Variants in PPP1R26 observed in about 807,000 individuals in gnomAD.
PPP1R26 encodes 1A6/DRIM (down-regulated in metastasis) interacting protein.
In PPP1R26, 22 loss-of-function variants were observed where a neutral mutation model predicts 67.6. The ratio of observed to expected loss-of-function variants is 0.33; its 90% confidence interval spans 0.23 to 0.46. PPP1R26 has a LOEUF of 0.46. Ranked by LOEUF, PPP1R26 falls within the 20% of genes least tolerant of loss-of-function variation. The pLI is 1.00. For missense variants in PPP1R26, 1,602 were observed against 1,651.4 expected (o/e 0.97, Z 0.52); for synonymous variants, 729 against 717.2 (o/e 1.02, Z -0.26).
Position 135,483,953 on chromosome 9 carries a change from C to T in PPP1R26, c.-192C>T. ...ATCATACAACTTTCCGTTCCAGGAGCTTGTCGGTTGGGTCAAGAATGAACC... is the reference window on the plus strand; with the variant it reads ...ATCATACAACTTTCCGTTCCAGGAGTTTGTCGGTTGGGTCAAGAATGAACC... On this transcript the variant is annotated 5_prime_UTR_variant, in exon 3 of 4. Transcript: ENST00000356818. 2.5e-6 allele frequency: 1 copy of T among 399,040 alleles called. No homozygotes were observed. Among genetic ancestry groups the T allele is most frequent in the Non-Finnish European group, 4.4e-6 (1 of 226,366 alleles). 24.7% of individuals were successfully genotyped at this position (399,040 alleles called of 1,614,324 possible). A position where few individuals can be genotyped will look rare whatever the true frequency, so the allele number is the denominator to read the frequency against.
In PPP1R26 at chr9:135,487,317, C is replaced by G; in HGVS notation, c.2807C>G (p.Pro936Arg). ...CCTGCTGCTCCTGCCCGAGGGGATC[C>G]GGTGCCGCCCAGGAGCACCAGCGGC... is the stretch of plus-strand genomic sequence containing the variant. The part of the protein sequence containing the change: ...GLPAAPARGD[P>R]VPPRSTSGGV... Residue 936 changes from proline to arginine, a missense_variant, in exon 4 of 4, where the codon CCG (proline) becomes CGG (arginine). Transcript: ENST00000356818. 6.4e-7 allele frequency: 1 copy of G among 1,555,456 alleles called. No individual in the cohort carries two copies. Among genetic ancestry groups the G allele is most frequent in the Non-Finnish European group, 8.7e-7 (1 of 1,152,644 alleles).
In PPP1R26 at chr9:135,485,247, A is replaced by C; in HGVS notation, c.737A>C (p.Asp246Ala). Residue 246 changes from aspartate (D) to alanine (A), a missense_variant, in exon 4 of 4, where the codon GAT (aspartate) becomes GCT (alanine). Physicochemically the swap from Asp to Ala is moderately radical, Grantham distance 126. This residue lies in a region of PPP1R26 where 680 missense variants were observed against 726.1 expected (regional missense o/e 0.94). Transcript: ENST00000356818. The surrounding 1 kb of genome is among the most constrained non-coding windows in gnomAD (Gnocchi z 7.2). ...EKRQHETQKC[D>A]GSVEKKPDTN... ...AGACAGCATGAGACCCAAAAATGTG[A>C]TGGGTCAGTGGAGAAGAAACCAGAC... The C allele has an allele frequency of 6.2e-7, 1 of 1,612,940 alleles. No individual in the cohort carries two copies. Among genetic ancestry groups the C allele is most frequent in the Admixed American group, 1.7e-5 (1 of 60,006 alleles).
At position 135,486,969 on chromosome 9, in the gene PPP1R26, G is replaced by C. The variant is rs772046530; in HGVS notation, c.2459G>C (p.Ser820Thr). Residue 820 changes from serine to threonine, a missense_variant, in exon 4 of 4, where the codon AGC becomes ACC. This residue lies in a region of PPP1R26 where 740 missense variants were observed against 696.3 expected (regional missense o/e 1.06). Transcript: ENST00000356818. The surrounding 1 kb of genome is among the most constrained non-coding windows in gnomAD (Gnocchi z 6.2). ...AGGGAGTCCCAGGGCCCAGCTCCCA[G>C]CCCCGGCTCCCTGTCTGATGACAGC... ...FPRESQGPAPSPGSLSDDSSS... is the reference protein window; with the variant it reads ...FPRESQGPAPTPGSLSDDSSS... The C allele has an allele frequency of 1.9e-6, 3 of 1,612,922 alleles. No individual in the cohort carries two copies. Among genetic ancestry groups the C allele is most frequent in the Non-Finnish European group, 1.7e-6 (2 of 1,180,016 alleles).
At chr9:135,479,696 C>G (rs1352664378), upstream of PPP1R26, 1 of 145,434 alleles carries the variant, frequency 6.9e-6, no homozygotes, top group Non-Finnish European at 1.5e-5. This position sits in a 1 kb window ranked among gnomAD's most constrained non-coding sequence, Gnocchi z 5.9. Context: ...GCACGGCTTC[C>G]GGAGTGCGGC....
In PPP1R26 at chr9:135,485,977, C is replaced by T. The variant is rs757860080; in HGVS notation, c.1467C>T (p.Asp489=). Residue 489 remains aspartate, a synonymous_variant, in exon 4 of 4, where the codon GAC becomes GAT. Coordinates refer to ENST00000356818, the MANE Select transcript of PPP1R26 (RefSeq NM_014811.5). This position sits in a 1 kb window ranked among gnomAD's most constrained non-coding sequence, Gnocchi z 7.2. The stretch of plus-strand genomic sequence containing the variant: ...TGATGTGTGCAGAAGCAATCCTGGA[C>T]ATCTCCAAGACGATCCTGCCGGCCC... ...AELMCAEAIL[D]ISKTILPAPV... is the part of the protein sequence containing the mutation. 2 of 1,613,258 alleles carry T rather than the reference C, an allele frequency of 1.2e-6. No homozygotes were observed. Among genetic ancestry groups the T allele is most frequent in the African/African-American group, 1.3e-5 (1 of 75,064 alleles).
In PPP1R26 at chr9:135,485,536, C is replaced by T. The variant is rs1830689317; in HGVS notation, c.1026C>T (p.Ser342=). ...QNKGGIKRSA[S]AARRGKRVMS... is the part of the protein sequence containing the mutation. ...AAGGTGGGATCAAAAGGAGCGCCAGCGCTGCAAGGAGGGGAAAGCGAGTCA... is the reference window on the plus strand; with the variant it reads ...AAGGTGGGATCAAAAGGAGCGCCAGTGCTGCAAGGAGGGGAAAGCGAGTCA... The change falls in exon 4 of 4, where the codon AGC becomes AGT. Residue 342 remains serine (S), a synonymous_variant. Transcript: ENST00000356818. The surrounding 1 kb of genome is among the most constrained non-coding windows in gnomAD (Gnocchi z 7.2). 7 of 1,613,212 alleles carry T rather than the reference C, an allele frequency of 4.3e-6. No homozygotes were observed. Among genetic ancestry groups the T allele is most frequent in the Non-Finnish European group, 5.9e-6 (7 of 1,180,026 alleles).
rs1342168538 is a variant in PPP1R26 at position 135,487,456 on chromosome 9, C to A, written c.2946C>A (p.Ser982Arg). ...AAAGTGCTTTTGGTCAGCTGCCCAG[C>A]TGTGCCACAGCGGGCACCGAGGCAG... is the stretch of plus-strand genomic sequence containing the variant. ...AAKSAFGQLP[S>R]CATAGTEAGG... The change falls in exon 4 of 4, where the codon AGC becomes AGA. Residue 982 changes from serine (S) to arginine (R), a missense_variant. Coordinates refer to ENST00000356818, the MANE Select transcript of PPP1R26 (RefSeq NM_014811.5). 6.2e-7 allele frequency: 1 copy of A among 1,610,518 alleles called. No individual in the cohort carries two copies. The highest frequency in any genetic ancestry group is 2.2e-5 in the East Asian group (1 of 44,854).
intron 3 of PPP1R26, 37 bp from the exon 4 acceptor site, chr9:135,484,412 T>C: frequency 8.6e-7 from 1 of 1,160,066 alleles, no homozygotes; most frequent in Non-Finnish European, 1.2e-6. Context: ...TCGCTGTTTG[T>C]AGCTGCATCA....
In PPP1R26 at chr9:135,486,915, C is replaced by A; in HGVS notation, c.2405C>A (p.Ala802Asp). 6 of 1,612,936 alleles carry A rather than the reference C, an allele frequency of 3.7e-6. No homozygotes were observed. Among genetic ancestry groups the A allele is most frequent in the Non-Finnish European group, 5.1e-6 (6 of 1,179,978 alleles). Reference sequence around the variant, plus strand: ...TTCCGGGTGAGGAGACCCGCCTCCGCCTCTGCCTCCGAAGGGAATCCATTC... The same window carrying A: ...TTCCGGGTGAGGAGACCCGCCTCCGACTCTGCCTCCGAAGGGAATCCATTC... The part of the protein sequence containing the change: ...LAFRVRRPAS[A>D]SASEGNPFPR... The change falls in exon 4 of 4, where the codon GCC becomes GAC. Residue 802 changes from alanine (A) to aspartate (D), a missense_variant. This residue lies in a region of PPP1R26 where 740 missense variants were observed against 696.3 expected (regional missense o/e 1.06). Transcript: ENST00000356818. This position sits in a 1 kb window ranked among gnomAD's most constrained non-coding sequence, Gnocchi z 6.2.
rs758151978 is a variant in PPP1R26 at position 135,484,479 on chromosome 9, G to A, written c.-32G>A. The A allele has an allele frequency of 8.7e-6, 13 of 1,498,584 alleles. No homozygotes were observed. The highest frequency in any genetic ancestry group is 2.3e-5 in the East Asian group (1 of 44,016). The allele number at this position is 1,498,584 out of a possible 1,614,324, so 92.8% of individuals were successfully genotyped here. ...GAAGCCGGTAGAGAAATAAAGCATC[G>A]CCCCTCTGCGCGCCCCTCCCCGTCT... On this transcript the variant is annotated 5_prime_UTR_variant, in exon 4 of 4. Coordinates refer to ENST00000356818, the MANE Select transcript of PPP1R26 (RefSeq NM_014811.5).
Position 135,487,725 on chromosome 9 carries a change from G to C in PPP1R26, c.3215G>C (p.Ser1072Thr). The C allele has an allele frequency of 2.1e-6, 3 of 1,454,754 alleles. No homozygotes were observed. Among genetic ancestry groups the C allele is most frequent in the Non-Finnish European group, 2.7e-6 (3 of 1,103,734 alleles). 90.1% of individuals were successfully genotyped at this position (1,454,754 alleles called of 1,614,324 possible). Residue 1072 changes from serine (S) to threonine (T), a missense_variant, in exon 4 of 4, where the codon AGC becomes ACC. This residue lies in a region of PPP1R26 where 740 missense variants were observed against 696.3 expected (regional missense o/e 1.06). Coordinates refer to ENST00000356818, the MANE Select transcript of PPP1R26 (RefSeq NM_014811.5). ...GSEGPARGLP[S>T]LPLAGFSPLL... is the part of the protein sequence containing the mutation. ...GAGGGCCCCGCCCGGGGCCTGCCCA[G>C]CCTGCCCCTTGCGGGCTTCTCGCCG...
At position 135,485,537 on chromosome 9, in the gene PPP1R26, G is replaced by A. The variant is rs199863193; in HGVS notation, c.1027G>A (p.Ala343Thr). 3.4e-5 allele frequency: 55 copies of A among 1,613,122 alleles called. No individual in the cohort carries two copies. The highest frequency in any genetic ancestry group is 4.5e-5 in the Non-Finnish European group (53 of 1,180,034). ...NKGGIKRSAS[A>T]ARRGKRVMSA... ...AGGTGGGATCAAAAGGAGCGCCAGC[G>A]CTGCAAGGAGGGGAAAGCGAGTCAT... The change falls in exon 4 of 4, where the codon GCT (alanine) becomes ACT (threonine). Residue 343 changes from alanine to threonine, a missense_variant. Around this residue, in one of 5 missense-constraint regions of PPP1R26, gnomAD observed 680 missense variants for 726.1 expected, o/e 0.94. Coordinates refer to ENST00000356818, the MANE Select transcript of PPP1R26 (RefSeq NM_014811.5). This position sits in a 1 kb window ranked among gnomAD's most constrained non-coding sequence, Gnocchi z 7.2.
rs1830816672 is a variant in PPP1R26 at position 135,487,848 on chromosome 9, G to C, written c.3338G>C (p.Gly1113Ala). 1 of 1,594,754 alleles carries C rather than the reference G, an allele frequency of 6.3e-7. No individual in the cohort carries two copies. The highest frequency in any genetic ancestry group is 1.3e-5 in the African/African-American group (1 of 74,184). The change falls in exon 4 of 4, where the codon GGC becomes GCC. Residue 1113 changes from glycine (G) to alanine (A), a missense_variant. Coordinates refer to ENST00000356818, the MANE Select transcript of PPP1R26 (RefSeq NM_014811.5). Reference sequence around the variant, plus strand: ...CCCCACCTGGGGCTGCCTCTGCAGGGCCCCTCCTTCTCGGCCTTCAGGGAG... The same window carrying C: ...CCCCACCTGGGGCTGCCTCTGCAGGCCCCCTCCTTCTCGGCCTTCAGGGAG... ...FSPHLGLPLQ[G>A]PSFSAFREAQ...
chr9:135,484,527 C>CT lies in PPP1R26; in HGVS notation c.19dup (p.Ser7PhefsTer20). On this transcript the variant is annotated frameshift_variant, in exon 4 of 4. Transcript: ENST00000356818. LOFTEE classifies it high-confidence loss of function. ...TCTGCTAGAATGTTTCTCATGAACG[C>CT]TTCTCCAGTGGTTGCTCTCCAGTCC... is the stretch of plus-strand genomic sequence containing the variant. 6.2e-7 allele frequency: 1 copy of CT among 1,602,830 alleles called. No individual in the cohort carries two copies. The highest frequency in any genetic ancestry group is 8.5e-7 in the Non-Finnish European group (1 of 1,177,370).
rs1830655265 is a variant in PPP1R26, at chr9:135,484,936, G to A, written c.426G>A (p.Lys142=). The A allele has an allele frequency of 6.3e-7, 1 of 1,582,138 alleles. No homozygotes were observed. ...AGGAGGCCATCCAGGAGTACCTGAA[G>A]GCAAAGAGTGGAGCCGCACAGCCCG... ...DIEEAIQEYL[K]AKSGAAQPGA... The change falls in exon 4 of 4, where the codon AAG becomes AAA. Residue 142 remains lysine (K), a synonymous_variant. Transcript: ENST00000356818.
Position 135,485,581 on chromosome 9 carries a change from C to T in PPP1R26, c.1071C>T (p.Ser357=), listed in dbSNP as rs1370419030. 12 of 1,613,018 alleles carry T rather than the reference C, an allele frequency of 7.4e-6. No homozygotes were observed. Among genetic ancestry groups the T allele is most frequent in the East Asian group, 4.5e-5 (2 of 44,874 alleles). Residue 357 remains serine (S), a synonymous_variant, in exon 4 of 4, where the codon TCC becomes TCT. Transcript: ENST00000356818. This position sits in a 1 kb window ranked among gnomAD's most constrained non-coding sequence, Gnocchi z 7.2. ...GAGTCATGAGTGCGGCACAGGCGTC[C>T]GAGGCGTCCGACTCCAGCAGCGACG... is the stretch of plus-strand genomic sequence containing the variant. ...GKRVMSAAQA[S]EASDSSSDDG... is the part of the protein sequence containing the mutation.
At position 135,484,546 on chromosome 9, in the gene PPP1R26, C is replaced by T. The variant is rs1830634332; in HGVS notation, c.36C>T (p.Leu12=). The change falls in exon 4 of 4, where the codon CTC becomes CTT. Residue 12 remains leucine (L), a synonymous_variant. Transcript: ENST00000356818. ...TGAACGCTTCTCCAGTGGTTGCTCT[C>T]CAGTCCAAATGGGAGGCCTTTGGCC... is the stretch of plus-strand genomic sequence containing the variant. ...FLMNASPVVA[L]QSKWEAFGPP... The T allele has an allele frequency of 1.9e-6, 3 of 1,609,266 alleles. No individual in the cohort carries two copies. The Admixed American group carries it at 5.1e-5, about 27-fold the overall frequency.
rs1264962066 is a variant in PPP1R26 at position 135,484,550 on chromosome 9, T to A, written c.40T>A (p.Ser14Thr). 1 of 1,610,516 alleles carries A rather than the reference T, an allele frequency of 6.2e-7. No homozygotes were observed. Among genetic ancestry groups the A allele is most frequent in the Non-Finnish European group, 8.5e-7 (1 of 1,179,590 alleles). ...CGCTTCTCCAGTGGTTGCTCTCCAG[T>A]CCAAATGGGAGGCCTTTGGCCCGCC... is the stretch of plus-strand genomic sequence containing the variant. ...MNASPVVALQ[S>T]KWEAFGPPGS... Residue 14 changes from serine to threonine, a missense_variant, in exon 4 of 4, where the codon TCC (serine) becomes ACC (threonine). By Grantham distance (58) the Ser-to-Thr change is moderately conservative (BLOSUM62 1). This residue lies in a region of PPP1R26 where 168 missense variants were observed against 176.1 expected (regional missense o/e 0.95). Transcript: ENST00000356818.
Position 135,487,557 on chromosome 9 carries a change from A to T in PPP1R26, c.3047A>T (p.Asp1016Val). The T allele has an allele frequency of 6.4e-7, 1 of 1,565,146 alleles. No individual in the cohort carries two copies. Among genetic ancestry groups the T allele is most frequent in the Non-Finnish European group, 8.6e-7 (1 of 1,157,068 alleles). ...FLTPSPGAERDAGAQADRTPP... is the reference protein window; with the variant it reads ...FLTPSPGAERVAGAQADRTPP... The stretch of plus-strand genomic sequence containing the variant: ...ACCCCCAGCCCGGGAGCGGAGAGGG[A>T]CGCTGGAGCCCAGGCCGACCGCACA... Residue 1016 changes from aspartate to valine, a missense_variant, in exon 4 of 4, where the codon GAC becomes GTC. Physicochemically the swap from Asp to Val is radical, Grantham distance 152. Around this residue, in one of 5 missense-constraint regions of PPP1R26, gnomAD observed 740 missense variants for 696.3 expected, o/e 1.06. Coordinates refer to ENST00000356818, the MANE Select transcript of PPP1R26 (RefSeq NM_014811.5).
Sources: gnomAD v4.1 joint callset for allele counts on GRCh38, gnomAD v4.1.1 for gene constraint, gnomAD v4.1.1 regional missense constraint, Gnocchi (gnomAD v3.1) non-coding constraint, MANE v1.5 for transcripts, NCBI Gene and HGNC (gene_info 2026-07-23, HGNC 2026-07-21) for gene names.